Variants in ZNF131 observed in about 807,000 individuals in gnomAD.
ZNF131 encodes zinc finger protein 131.
A neutral mutation model predicts 60.0 loss-of-function variants in ZNF131; 7 were observed. The observed-to-expected ratio is 0.12, with a 90% CI of 0.07 to 0.22. The LOEUF (loss-of-function observed/expected upper bound fraction) is 0.22, where lower values mean the gene tolerates loss of function less well. ZNF131 is among the 10% of genes least tolerant of loss of function. The probability of loss-of-function intolerance (pLI) is 1.00; values close to 1 mark genes in which losing one functional copy is unlikely to be tolerated. For missense variants in ZNF131, 493 were observed against 740.9 expected (o/e 0.67, Z 3.88); for synonymous variants, 257 against 253.2 (o/e 1.01, Z -0.14).
At chr5:43,159,787 G>A (rs1459268285) in intron 4 of ZNF131, among the ~76,000 whole-genome samples, 3 of 150,172 alleles carry the variant, frequency 2.0e-5, no homozygotes, top group Non-Finnish European at 3.0e-5. Flanking sequence ...TTTATTAACT[G>A]TATTTCAGAG....
At chr5:43,150,501 A>G (rs887203739) in intron 4 of ZNF131, among the ~76,000 whole-genome samples, 1 of 152,168 alleles carries the variant, frequency 6.6e-6, no homozygotes, top group Middle Eastern at 3.2e-3. Flanking sequence ...CGTAGGGACC[A>G]GGACCTGGCT....
chr5:43,135,447 A>T (rs1391812605), intron 3 of ZNF131, among the ~76,000 whole-genome samples: 1 of 152,154 alleles, frequency 6.6e-6, no homozygotes, highest in Non-Finnish European at 1.5e-5. Context: ...ACTGAGAACC[A>T]TAAAACATTA....
At chr5:43,146,259 AT>A (rs1281293892) in intron 4 of ZNF131, among the ~76,000 whole-genome samples, 1 of 152,226 alleles carries the variant, frequency 6.6e-6, no homozygotes, top group Non-Finnish European at 1.5e-5. Flanking sequence ...TTAGGACCTC[AT>A]TTTGCTTTGC....
At chr5:43,155,876 G>A (rs944913369) in intron 4 of ZNF131, among the ~76,000 whole-genome samples, 2 of 152,194 alleles carry the variant, frequency 1.3e-5, no homozygotes, top group Non-Finnish European at 2.9e-5. Context: ...TGATGGAGGT[G>A]TGATAACATT....
At chr5:43,122,692 G>A (rs1744023708) in intron 2 of ZNF131, among the ~76,000 whole-genome samples, 1 of 152,160 alleles carries the variant, frequency 6.6e-6, no homozygotes, top group South Asian at 2.1e-4. Flanking sequence ...AATCCAGCGT[G>A]GGTATGTTTT....
Position 43,175,668 on chromosome 5 carries a change from G to T in ZNF131, c.*535G>T. The stretch of plus-strand genomic sequence containing the variant: ...GTTCTTGTCTACCCCAGTAGTCACA[G>T]ATGCCATCTTTGCAACAGAAAGAGT... On this transcript the variant is annotated 3_prime_UTR_variant, in exon 7 of 7. Transcript: ENST00000682664. The T allele has an allele frequency of 3.0e-6, 1 of 336,334 alleles. No homozygotes were observed. Among genetic ancestry groups the T allele is most frequent in the Non-Finnish European group, 5.3e-6 (1 of 188,094 alleles). 20.8% of individuals were successfully genotyped at this position (336,334 alleles called of 1,614,324 possible).
chr5:43,130,263 C>CAAAAAAAAAAAAAAAAAAAAAAAA (rs765959932), intron 3 of ZNF131, among the ~76,000 whole-genome samples: 428 of 33,034 alleles, frequency 0.013, 99 homozygotes, highest in Admixed American at 0.022. Context: ...GACTCTGTCT[C>CAAAAAAAAAAAAAAAAAAAAAAAA]CAAAAAAAAA....
chr5:43,123,285 C>T lies in ZNF131; in HGVS notation c.201C>T (p.Thr67=). 2.5e-6 allele frequency: 4 copies of T among 1,610,568 alleles called. No individual in the cohort carries two copies. The highest frequency in any genetic ancestry group is 2.2e-5 in the East Asian group (1 of 44,712). Residue 67 remains threonine (T), a synonymous_variant, in exon 3 of 7, where the codon ACC becomes ACT. Transcript: ENST00000682664. ...TCTACAAATTCTTTCAGGAGTTTAC[C>T]CAAGAACCATTGGTGGAGATAGAAG... ...KFFYKFFQEF[T]QEPLVEIEGV... is the part of the protein sequence containing the mutation.
chr5:43,128,011 G>C (rs1239415622), intron 3 of ZNF131, among the ~76,000 whole-genome samples: 4 of 152,212 alleles, frequency 2.6e-5, no homozygotes, highest in Non-Finnish European at 4.4e-5. Context: ...TTGAGTAGGA[G>C]TTTTCCACCA....
chr5:43,135,024 G>GT (rs1437151701), intron 3 of ZNF131, among the ~76,000 whole-genome samples: 1 of 141,716 alleles, frequency 7.1e-6, no homozygotes, highest in Non-Finnish European at 1.5e-5. Context: ...TTGAGACTGA[G>GT]TTTTGCTCTT....
At chr5:43,152,429 AGTCATCCCCAGCT>A (rs1344071793) in intron 4 of ZNF131, among the ~76,000 whole-genome samples, 1 of 152,192 alleles carries the variant, frequency 6.6e-6, no homozygotes, top group Non-Finnish European at 1.5e-5. Flanking sequence ...GACACACAGG[AGTCATCCCCAGCT>A]GTTTTTAGAA....
At chr5:43,150,493 T>C (rs1748163470) in intron 4 of ZNF131, among the ~76,000 whole-genome samples, 1 of 152,054 alleles carries the variant, frequency 6.6e-6, no homozygotes, top group Admixed American at 6.6e-5. Context: ...AATCTGACCG[T>C]AGGGACCAGG....
chr5:43,167,632 A>G (rs1422807740), intron 5 of ZNF131, among the ~76,000 whole-genome samples: 2 of 152,140 alleles, frequency 1.3e-5, no homozygotes, highest in African/African-American at 4.8e-5. Context: ...TGTCCTCTGA[A>G]TTTATTTTTA....
At chr5:43,136,601 C>T (rs371266168) in intron 3 of ZNF131, among the ~76,000 whole-genome samples, 23 of 143,202 alleles carry the variant, frequency 1.6e-4, no homozygotes, top group East Asian at 2.1e-4. Context: ...ATTACAGGTG[C>T]GTGCCACCAC....
At chr5:43,122,750 T>C (rs886104546) in intron 2 of ZNF131, among the ~76,000 whole-genome samples, 2 of 152,242 alleles carry the variant, frequency 1.3e-5, no homozygotes, top group African/African-American at 4.8e-5. Context: ...TTTAAAATTA[T>C]GGGTCTACCA....
intron 3 of ZNF131, among the ~76,000 whole-genome samples, chr5:43,131,808 C>CAAA (rs36085217): frequency 0.013 from 1,674 of 131,378 alleles, 14 homozygotes; most frequent in South Asian, 0.038. Context: ...TGCGTATGTA[C>CAAA]AAAAAAAAAA....
intron 3 of ZNF131, among the ~76,000 whole-genome samples, chr5:43,128,392 C>A (rs891803457): frequency 6.6e-6 from 1 of 151,968 alleles, no homozygotes; most frequent in Non-Finnish European, 1.5e-5. Context: ...CATGGTGGCT[C>A]ACGCCTGTAA....
intron 4 of ZNF131, among the ~76,000 whole-genome samples, chr5:43,154,495 T>C (rs1418285148): frequency 6.6e-6 from 1 of 152,178 alleles, no homozygotes; most frequent in East Asian, 1.9e-4. Context: ...ACAGCTCCAG[T>C]ACTGTCTGCA....
chr5:43,145,567 C>T (rs782976), intron 4 of ZNF131, among the ~76,000 whole-genome samples: 41,843 of 151,858 alleles, frequency 0.28, 6,335 homozygotes, highest in East Asian at 0.63. Context: ...GCAGGAGAAT[C>T]GCTTGAATCC....
Sources: gnomAD v4.1 joint callset for allele counts (sites outside exome capture counted in the v4.1 genomes callset) on GRCh38, gnomAD v4.1.1 for gene constraint, MANE v1.5 for transcripts, NCBI Gene and HGNC (gene_info 2026-07-23, HGNC 2026-07-21) for gene names.